Variants in BTBD9 observed in about 807,000 individuals in gnomAD.
BTBD9 encodes the protein BTB/POZ domain-containing protein 9.
BTBD9 carries 49 observed loss-of-function variants against 64.3 expected under a neutral mutation model. The observed-to-expected ratio is 0.76, with a 90% CI of 0.61 to 0.97. The LOEUF is 0.97. BTBD9 is among the 50% of genes least tolerant of loss of function. BTBD9 has a pLI of 0.00. For missense variants in BTBD9, 598 were observed against 762.1 expected (o/e 0.78, Z 2.53); for synonymous variants, 260 against 274.7 (o/e 0.95, Z 0.53).
chr6:38,211,707 G>A (rs983101577), intron 9 of BTBD9, among the ~76,000 whole-genome samples: 2 of 151,002 alleles, frequency 1.3e-5, no homozygotes, highest in African/African-American at 4.9e-5. Flanking sequence ...TTAAGCCACT[G>A]CCCTCCAGCC....
At chr6:38,229,194 C>CAAA (rs34749418) in intron 9 of BTBD9, among the ~76,000 whole-genome samples, 3 of 114,596 alleles carry the variant, frequency 2.6e-5, no homozygotes, top group Admixed American at 8.8e-5. Context: ...AAGACTCTGT[C>CAAA]AAAAAAAAAA....
chr6:38,191,594 C>T (rs1468363352), intron 10 of BTBD9, among the ~76,000 whole-genome samples: 6 of 152,232 alleles, frequency 3.9e-5, no homozygotes, highest in Non-Finnish European at 2.9e-5. Context: ...GACTTGAGCT[C>T]AGGACTCACA....
At position 38,173,544 on chromosome 6, in the gene BTBD9, C is replaced by A. The variant is rs577051182; in HGVS notation, c.*1441G>T. 1.3e-5 allele frequency: 2 copies of A among 152,366 alleles called. No individual in the cohort carries two copies. The highest frequency in any genetic ancestry group is 3.9e-4 in the East Asian group (2 of 5,188). 9.4% of individuals were successfully genotyped at this position (152,366 alleles called of 1,614,324 possible). On this transcript the variant is annotated 3_prime_UTR_variant, in exon 11 of 11. Coordinates refer to ENST00000481247, the MANE Select transcript of BTBD9 (RefSeq NM_001099272.2). ...GCAGTTTGATGCTACCCTACTATTT[C>A]CATATGGACAAATCACTCAAAATCA...
rs772167899 is a variant in BTBD9, at chr6:38,205,879, C to CA, written c.1563-13283dup. 3.1e-3 allele frequency among the ~76,000 whole-genome samples: 146 copies of CA among 47,262 alleles called. 19 individuals are homozygous for CA. In the East Asian group the frequency reaches 0.055, roughly 18 times the overall value. 31.0% of individuals were successfully genotyped at this position (47,262 alleles called of 152,430 possible). ...AGCCTGAGAGAGCAGGAGTCTGTCT[C>CA]AAAAAAAAAAAAGAAAGAAAGAAAG... On this transcript the variant is annotated intron_variant, in intron 9 of 10. Coordinates refer to ENST00000481247, the MANE Select transcript of BTBD9 (RefSeq NM_001099272.2).
intron 8 of BTBD9, among the ~76,000 whole-genome samples, chr6:38,261,417 C>T (rs1230556714): frequency 6.6e-6 from 1 of 152,164 alleles, no homozygotes; most frequent in Non-Finnish European, 1.5e-5. Context: ...ATTAACACTA[C>T]CAGCACTGCA....
intron 6 of BTBD9, among the ~76,000 whole-genome samples, chr6:38,390,913 CAA>C (rs35656822): frequency 6.6e-6 from 1 of 152,160 alleles, no homozygotes; most frequent in African/African-American, 2.4e-5. Flanking sequence ...CTGTGAAATC[CAA>C]AAGTCTGGGA....
In BTBD9 at chr6:38,406,181, A is replaced by G. The variant is rs868800183; in HGVS notation, c.1155-61088T>C. 2.6e-5 allele frequency among the ~76,000 whole-genome samples: 4 copies of G among 152,354 alleles called. No individual in the cohort carries two copies. The South Asian group carries it at 8.3e-4, about 32-fold the overall frequency. ...TCACAACTCTGTAGGACAGGGACCT[A>G]GCACCTTCTTATAAATCTTTGGCTC... On this transcript the variant is annotated intron_variant, in intron 6 of 10. Coordinates refer to ENST00000481247, the MANE Select transcript of BTBD9 (RefSeq NM_001099272.2).
rs543014450 is a variant in BTBD9 at position 38,303,587 on chromosome 6, G to T, written c.1265-15126C>A. Among the ~76,000 whole-genome samples the T allele has an allele frequency of 4.6e-5, 7 of 151,846 alleles. No homozygotes were observed. The East Asian group carries it at 1.4e-3, about 29-fold the overall frequency. ...CTGTTTACTCTGTGTTAGTTTGTCA[G>T]TTTCCACCTACGCTATGCCTTACTG... On this transcript the variant is annotated intron_variant, in intron 7 of 10. Transcript: ENST00000481247.
intron 9 of BTBD9, among the ~76,000 whole-genome samples, chr6:38,219,407 G>A (rs1763126254): frequency 6.6e-6 from 1 of 151,466 alleles, no homozygotes; most frequent in Non-Finnish European, 1.5e-5. Flanking sequence ...CTCCCAAAGT[G>A]CTGGGATTAC....
chr6:38,597,274 T>C lies in BTBD9; in HGVS notation c.185+636A>G, dbSNP rs370938213. 6.6e-4 allele frequency among the ~76,000 whole-genome samples: 101 copies of C among 152,346 alleles called. No homozygotes were observed. In the South Asian group the frequency reaches 0.021, roughly 31 times the overall value. On this transcript the variant is annotated intron_variant, in intron 2 of 10. Transcript: ENST00000481247. ...ATACCAAGTTTCCCAGATAAATCTA[T>C]AACTCTGTGAACCATCTTTATCCTT...
chr6:38,424,039 T>G (rs1768027232), intron 6 of BTBD9, among the ~76,000 whole-genome samples: 1 of 151,976 alleles, frequency 6.6e-6, no homozygotes, highest in Non-Finnish European at 1.5e-5. Flanking sequence ...ACTGGAGATA[T>G]GTATTCAAAG....
At chr6:38,332,562 G>T (rs1007571619) in intron 7 of BTBD9, among the ~76,000 whole-genome samples, 1 of 151,964 alleles carries the variant, frequency 6.6e-6, no homozygotes, top group African/African-American at 2.4e-5. Flanking sequence ...TTTAACACCT[G>T]CTGGGAATAG....
intron 1 of BTBD9, among the ~76,000 whole-genome samples, chr6:38,623,657 C>T (rs953070743): frequency 1.4e-4 from 22 of 152,300 alleles, no homozygotes; most frequent in Admixed American, 9.1e-4. Context: ...AATCAGACAA[C>T]GCCTCTCAAA....
At chr6:38,402,527 C>G (rs12529551) in intron 6 of BTBD9, among the ~76,000 whole-genome samples, 1 of 152,078 alleles carries the variant, frequency 6.6e-6, no homozygotes. Context: ...AGAAATAAAC[C>G]CATACATCTA....
At chr6:38,422,223 T>C (rs1197053507) in intron 6 of BTBD9, among the ~76,000 whole-genome samples, 1 of 152,182 alleles carries the variant, frequency 6.6e-6, no homozygotes, top group African/African-American at 2.4e-5. Flanking sequence ...ACACCCTTTC[T>C]GTGATAGAAC....
chr6:38,338,344 T>C (rs544377122), intron 7 of BTBD9, among the ~76,000 whole-genome samples: 23 of 152,330 alleles, frequency 1.5e-4, no homozygotes, highest in African/African-American at 5.5e-4. Context: ...GAATTGTTTA[T>C]ATCTGGGATT....
At chr6:38,314,174 C>A (rs1468758277) in intron 7 of BTBD9, among the ~76,000 whole-genome samples, 2 of 151,680 alleles carry the variant, frequency 1.3e-5, no homozygotes, top group Non-Finnish European at 2.9e-5. Context: ...GAGGTATTGA[C>A]CTGTAATTTT....
chr6:38,566,980 A>G (rs900201411), intron 6 of BTBD9, among the ~76,000 whole-genome samples: 2 of 152,206 alleles, frequency 1.3e-5, no homozygotes, highest in East Asian at 3.8e-4. Context: ...CCTTAGAAAA[A>G]TATCAAGCAG....
chr6:38,182,538 A>G (rs974404164), intron 10 of BTBD9, among the ~76,000 whole-genome samples: 2 of 152,210 alleles, frequency 1.3e-5, no homozygotes, highest in Non-Finnish European at 2.9e-5. Flanking sequence ...ACAGGCACCA[A>G]GAGAGCCTAG....
Sources: allele counts gnomAD v4.1 joint callset (sites outside exome capture counted in the v4.1 genomes callset), GRCh38; gene constraint gnomAD v4.1.1; transcripts MANE v1.5; gene names NCBI Gene and HGNC (gene_info 2026-07-23, HGNC 2026-07-21).